The following ERBB4 variants were observed in gnomAD, a reference collection of about 807,000 sequenced individuals.
The protein encoded by ERBB4 is erb-b2 receptor tyrosine kinase 4.
ERBB4 carries 42 observed loss-of-function variants against 158.0 expected under a neutral mutation model. The observed-to-expected ratio is 0.27, with a 90% CI of 0.21 to 0.34. ERBB4 has a LOEUF of 0.34. ERBB4 is among the 10% of genes least tolerant of loss of function. The probability of loss-of-function intolerance (pLI) is 1.00; values close to 1 mark genes in which losing one functional copy is unlikely to be tolerated. For synonymous variants in ERBB4, 583 were observed against 558.7 expected (o/e 1.04, Z -0.61); for missense variants, 1,333 against 1,624.1 (o/e 0.82, Z 3.08).
chr2:212,027,722 C>T (rs2076806545), intron 2 of ERBB4, among the ~76,000 whole-genome samples: 1 of 152,018 alleles, frequency 6.6e-6, no homozygotes, highest in South Asian at 2.1e-4. Context: ...TACTCTCTGG[C>T]CAGAGAAATC....
intron 20 of ERBB4, among the ~76,000 whole-genome samples, chr2:211,500,134 C>A (rs2065580778): frequency 6.6e-6 from 1 of 152,044 alleles, no homozygotes; most frequent in South Asian, 2.1e-4. Flanking sequence ...TGTATCTGGT[C>A]ATGGTACAGT....
chr2:211,724,361 T>TAAA, intron 6 of ERBB4, among the ~76,000 whole-genome samples: 1 of 150,704 alleles, frequency 6.6e-6, no homozygotes, highest in South Asian at 2.1e-4. Context: ...TTTTTTTTTT[T>TAAA]AAAAAAAGCT....
At chr2:212,482,014 G>A (rs966814415) in intron 1 of ERBB4, among the ~76,000 whole-genome samples, 2 of 152,080 alleles carry the variant, frequency 1.3e-5, no homozygotes, top group African/African-American at 4.8e-5. Context: ...AGTTAATAAG[G>A]CAATGGCACA....
intron 2 of ERBB4, among the ~76,000 whole-genome samples, chr2:212,071,628 T>C (rs1043636907): frequency 3.3e-5 from 5 of 151,990 alleles, no homozygotes; most frequent in African/African-American, 4.8e-5. Context: ...AATCAAAATA[T>C]TTATTCACGA....
At chr2:212,104,877 T>C (rs2079180613) in intron 2 of ERBB4, among the ~76,000 whole-genome samples, 1 of 152,216 alleles carries the variant, frequency 6.6e-6, no homozygotes, top group Non-Finnish European at 1.5e-5. Flanking sequence ...ATAGATTCTA[T>C]ACGTTTTACC....
chr2:212,333,244 T>C (rs957768371), intron 1 of ERBB4, among the ~76,000 whole-genome samples: 1 of 151,998 alleles, frequency 6.6e-6, no homozygotes, highest in Non-Finnish European at 1.5e-5. Context: ...TAGTTGCCAA[T>C]GTTTGGAGTC....
chr2:212,268,398 T>C (rs2085226862), intron 1 of ERBB4, among the ~76,000 whole-genome samples: 1 of 151,896 alleles, frequency 6.6e-6, no homozygotes, highest in African/African-American at 2.4e-5. Context: ...AACATTAATT[T>C]TCGTATGTGC....
intron 20 of ERBB4, among the ~76,000 whole-genome samples, chr2:211,458,912 T>A (rs2064457020): frequency 6.6e-6 from 1 of 152,140 alleles, no homozygotes; most frequent in African/African-American, 2.4e-5. Flanking sequence ...TGTAAAAAAA[T>A]GGTATTGATT....
chr2:212,531,255 C>T (rs188349305), intron 1 of ERBB4, among the ~76,000 whole-genome samples: 123 of 152,200 alleles, frequency 8.1e-4, no homozygotes, highest in Admixed American at 1.1e-3. Context: ...CTTATCATGC[C>T]CAAGACGGCT....
chr2:212,310,266 A>G (rs947475360), intron 1 of ERBB4, among the ~76,000 whole-genome samples: 1 of 150,512 alleles, frequency 6.6e-6, no homozygotes, highest in Non-Finnish European at 1.5e-5. Flanking sequence ...AAATATCATC[A>G]CCTTAAACAC....
At position 211,413,309 on chromosome 2, in the gene ERBB4, A is replaced by C. The variant is rs866938591; in HGVS notation, c.3135+7132T>G. On this transcript the variant is annotated intron_variant, in intron 25 of 27. Transcript: ENST00000342788. ...GGACAGAGAGAGACCCTGTCTTAAA[A>C]ACACACACACACACACACACACACA... 3.2e-4 allele frequency among the ~76,000 whole-genome samples: 30 copies of C among 94,572 alleles called. 2 individuals carry two copies. Among genetic ancestry groups the C allele is most frequent in the Non-Finnish European group, 5.2e-4 (22 of 42,604 alleles). 62.0% of individuals were successfully genotyped at this position (94,572 alleles called of 152,430 possible).
At chr2:212,364,336 A>T (rs2089801586) in intron 1 of ERBB4, among the ~76,000 whole-genome samples, 1 of 151,654 alleles carries the variant, frequency 6.6e-6, no homozygotes, top group Non-Finnish European at 1.5e-5. Context: ...TTTTCTTTCA[A>T]AAAAATGAAT....
At chr2:211,603,675 C>T (rs1297345938) in intron 19 of ERBB4, among the ~76,000 whole-genome samples, 1 of 152,128 alleles carries the variant, frequency 6.6e-6, no homozygotes, top group Non-Finnish European at 1.5e-5. Context: ...ATTCCTGGAC[C>T]ATCAGCAGCC....
chr2:211,822,461 A>G (rs1473268612), intron 3 of ERBB4, among the ~76,000 whole-genome samples: 2 of 152,072 alleles, frequency 1.3e-5, no homozygotes, highest in African/African-American at 4.8e-5. Context: ...ATTTAAAAAG[A>G]ACTAATGTAT....
intron 3 of ERBB4, among the ~76,000 whole-genome samples, chr2:211,858,792 A>AT (rs998772292): frequency 1.4e-4 from 22 of 151,800 alleles, no homozygotes; most frequent in Non-Finnish European, 2.7e-4. Flanking sequence ...TTATTTATTC[A>AT]TTTTTTTTGA....
chr2:211,402,268 T>G (rs1453466227), intron 25 of ERBB4, among the ~76,000 whole-genome samples: 1 of 152,050 alleles, frequency 6.6e-6, no homozygotes, highest in Non-Finnish European at 1.5e-5. Context: ...GCCTCTCTTA[T>G]TTCTCCTAAA....
chr2:211,782,043 C>T (rs1202465400), intron 4 of ERBB4, among the ~76,000 whole-genome samples: 4 of 152,058 alleles, frequency 2.6e-5, no homozygotes, highest in Admixed American at 1.3e-4. Flanking sequence ...CTTTTGACAG[C>T]GGTTTTCCTT....
chr2:212,158,673 A>C (rs2081114740), intron 1 of ERBB4, among the ~76,000 whole-genome samples: 1 of 152,002 alleles, frequency 6.6e-6, no homozygotes, highest in Non-Finnish European at 1.5e-5. Context: ...GTATTCTCTA[A>C]GGAAAGAGAC....
At chr2:211,423,582 G>A (rs2063556622) in intron 23 of ERBB4, among the ~76,000 whole-genome samples, 1 of 151,936 alleles carries the variant, frequency 6.6e-6, no homozygotes, top group Non-Finnish European at 1.5e-5. Flanking sequence ...AAAAGTAAGA[G>A]TTTGATGTAA....
Sources: allele counts gnomAD v4.1 joint callset (sites outside exome capture counted in the v4.1 genomes callset), GRCh38; gene constraint gnomAD v4.1.1; transcripts MANE v1.5; gene names NCBI Gene and HGNC (gene_info 2026-07-23, HGNC 2026-07-21).